PTH2R: variants seen among roughly 807,000 people sequenced by gnomAD.
PTH2R encodes the protein parathyroid hormone 2 receptor.
In PTH2R, 59 loss-of-function variants were observed where a neutral mutation model predicts 60.3. The ratio of observed to expected loss-of-function variants is 0.98; its 90% CI spans 0.79 to 1.22. The LOEUF is 1.22. PTH2R is among the 50% of genes most tolerant of loss of function. The probability of loss-of-function intolerance (pLI) is 0.00; values close to 1 mark genes in which losing one functional copy is unlikely to be tolerated. For missense variants in PTH2R, 749 were observed against 682.6 expected, an observed-to-expected ratio of 1.10 and a Z score of -1.08; for synonymous variants, 256 against 243.8, an observed-to-expected ratio of 1.05 and a Z score of -0.47.
At chr2:208,436,060 C>G (rs1045383149) in intron 2 of PTH2R, among the ~76,000 whole-genome samples, 1 of 152,180 alleles carries the variant, frequency 6.6e-6, no homozygotes, top group Non-Finnish European at 1.5e-5. Context: ...GTGCCAGGTG[C>G]ATTCCCGGAA....
chr2:208,394,955 A>G (rs979502546), intron 1 of PTH2R, among the ~76,000 whole-genome samples: 1 of 152,294 alleles, frequency 6.6e-6, no homozygotes, highest in Non-Finnish European at 1.5e-5. Context: ...CAATAACGAG[A>G]CTAAAATCTG....
chr2:208,420,408 T>A (rs555689759), intron 1 of PTH2R, among the ~76,000 whole-genome samples: 2 of 152,326 alleles, frequency 1.3e-5, no homozygotes, highest in South Asian at 4.1e-4. Context: ...GAGCATTGTA[T>A]GAGGCTATTT....
At chr2:208,452,827 G>A (rs1702432692) in intron 8 of PTH2R, among the ~76,000 whole-genome samples, 1 of 152,214 alleles carries the variant, frequency 6.6e-6, no homozygotes, top group African/African-American at 2.4e-5. Context: ...ACTGAGGTCA[G>A]AGAAGTTGTG....
intron 4 of PTH2R, among the ~76,000 whole-genome samples, chr2:208,439,910 T>C (rs554148024): frequency 6.6e-6 from 1 of 152,264 alleles, no homozygotes; most frequent in African/African-American, 2.4e-5. Flanking sequence ...GGGAACTGAA[T>C]GGAAAAAATG....
chr2:208,379,865 A>C (rs1435136880), intron 1 of PTH2R, among the ~76,000 whole-genome samples: 1 of 151,930 alleles, frequency 6.6e-6, no homozygotes, highest in Non-Finnish European at 1.5e-5. Context: ...GTCTTGAAAA[A>C]AAAAAAAAGA....
chr2:208,472,500 T>C (rs1274576361), intron 9 of PTH2R, among the ~76,000 whole-genome samples: 2 of 152,182 alleles, frequency 1.3e-5, no homozygotes, highest in Non-Finnish European at 2.9e-5. Context: ...ATTCTCATGA[T>C]AGTGAATAAG....
chr2:208,428,232 A>G lies in PTH2R; in HGVS notation c.107A>G (p.Glu36Gly), dbSNP rs767388910. The change falls in exon 2 of 13, where the codon GAG (glutamate) becomes GGG (glycine). Residue 36 changes from glutamate (E) to glycine (G), a missense_variant. Coordinates refer to ENST00000272847, the MANE Select transcript of PTH2R (RefSeq NM_005048.4). ...TCTGATGGCACCATTACTATAGAGG[A>G]GCAGATTGTCCTTGTGCTGAAAGCG... is the stretch of plus-strand genomic sequence containing the variant. The part of the protein sequence containing the change: ...LDSDGTITIE[E>G]QIVLVLKAKV... 1.9e-6 allele frequency: 3 copies of G among 1,613,420 alleles called. No individual in the cohort carries two copies. In the East Asian group the frequency reaches 6.7e-5, roughly 36 times the overall value.
chr2:208,458,956 C>G (rs1368231235), intron 8 of PTH2R, among the ~76,000 whole-genome samples: 1 of 151,978 alleles, frequency 6.6e-6, no homozygotes, highest in African/African-American at 2.4e-5. Flanking sequence ...TTATATTCCT[C>G]TGGGAATATG....
intron 1 of PTH2R, among the ~76,000 whole-genome samples, chr2:208,387,188 T>A (rs1262823214): frequency 1.3e-5 from 2 of 152,180 alleles, no homozygotes; most frequent in African/African-American, 4.8e-5. Flanking sequence ...TTTAAAACAA[T>A]TTTATATACA....
At chr2:208,489,665 G>A (rs927817302) in intron 11 of PTH2R, among the ~76,000 whole-genome samples, 1 of 152,122 alleles carries the variant, frequency 6.6e-6, no homozygotes, top group East Asian at 1.9e-4. Context: ...AGAATCTTAA[G>A]AATATACATT....
At chr2:208,489,341 G>A (rs543952123) in intron 11 of PTH2R, among the ~76,000 whole-genome samples, 191 bp downstream of exon 11, 34 of 152,202 alleles carry the variant, frequency 2.2e-4, no homozygotes, top group African/African-American at 8.2e-4. Flanking sequence ...TTAATCCTCT[G>A]CTCACAGCAG....
intron 2 of PTH2R, among the ~76,000 whole-genome samples, chr2:208,429,073 ACTCT>A (rs1161467223): frequency 9.0e-6 from 1 of 111,636 alleles, no homozygotes; most frequent in Admixed American, 1.0e-4. Flanking sequence ...TGACAGAGCG[ACTCT>A]CTGTCTCAAA....
intron 1 of PTH2R, among the ~76,000 whole-genome samples, chr2:208,425,257 T>C (rs990965012): frequency 2.6e-5 from 4 of 151,962 alleles, no homozygotes; most frequent in Non-Finnish European, 5.9e-5. Context: ...AGCTGAACCC[T>C]TGAGATATTG....
chr2:208,385,857 T>A (rs1341944564), intron 1 of PTH2R, among the ~76,000 whole-genome samples: 1 of 152,200 alleles, frequency 6.6e-6, no homozygotes, highest in Non-Finnish European at 1.5e-5. Context: ...CTGGGTCAAT[T>A]GAGCAAAAAC....
At chr2:208,407,750 C>G (rs1701447085) in intron 1 of PTH2R, among the ~76,000 whole-genome samples, 1 of 149,922 alleles carries the variant, frequency 6.7e-6, no homozygotes, top group South Asian at 2.1e-4. Context: ...TTCATACGCA[C>G]TTTTTTTTTT....
At chr2:208,376,409 A>C (rs528272630) in intron 1 of PTH2R, among the ~76,000 whole-genome samples, 5 of 152,136 alleles carry the variant, frequency 3.3e-5, no homozygotes, top group Non-Finnish European at 5.9e-5. Context: ...TTTTATATAT[A>C]AATAACATCT....
At chr2:208,423,346 T>C (rs10182087) in intron 1 of PTH2R, among the ~76,000 whole-genome samples, 111,923 of 152,054 alleles carry the variant, frequency 0.74, 45,004 homozygotes, top group East Asian at 0.94. Flanking sequence ...TTTTGACCCA[T>C]GGATTGTTTA....
upstream of PTH2R, among the ~76,000 whole-genome samples, chr2:208,406,337 A>G (rs767033142): frequency 6.6e-6 from 1 of 152,192 alleles, no homozygotes; most frequent in African/African-American, 2.4e-5. Context: ...AAATATATAC[A>G]TTATTTCTAC....
chr2:208,390,612 C>G (rs936052038), intron 1 of PTH2R, among the ~76,000 whole-genome samples: 6 of 152,164 alleles, frequency 3.9e-5, no homozygotes, highest in Non-Finnish European at 8.8e-5. Flanking sequence ...TGTTTATTTT[C>G]TGTTAGTAAC....
Sources: allele counts gnomAD v4.1 joint callset (sites outside exome capture counted in the v4.1 genomes callset), GRCh38; gene constraint gnomAD v4.1.1; transcripts MANE v1.5; gene names NCBI Gene and HGNC (gene_info 2026-07-23, HGNC 2026-07-21).